Variants in LRRC4C observed in about 807,000 individuals in gnomAD.
LRRC4C encodes the protein leucine rich repeat containing 4C.
In LRRC4C, 5 loss-of-function variants were observed where a neutral mutation model predicts 33.6. The observed-to-expected ratio is 0.15, with a 90% confidence interval of 0.08 to 0.31. LRRC4C has a LOEUF of 0.31. LRRC4C is among the 10% of genes least tolerant of loss of function. The pLI is 1.00. For missense variants in LRRC4C, 560 were observed against 796.7 expected, an observed-to-expected ratio of 0.70 and a Z score of 3.58; for synonymous variants, 329 against 302.0, an observed-to-expected ratio of 1.09 and a Z score of -0.93.
chr11:41,256,566 G>T (rs550800218), intron 1 of LRRC4C, among the ~76,000 whole-genome samples: 1 of 152,054 alleles, frequency 6.6e-6, no homozygotes, highest in South Asian at 2.1e-4. Flanking sequence ...TAAAAAAATT[G>T]ATTCATAGCA....
intron 1 of LRRC4C, among the ~76,000 whole-genome samples, chr11:41,296,280 AAT>A (rs1950140060): frequency 6.6e-6 from 1 of 151,830 alleles, no homozygotes; most frequent in African/African-American, 2.4e-5. Context: ...TTTTATTAAT[AAT>A]ATATGTTATT....
Position 40,115,918 on chromosome 11 carries a change from G to T in LRRC4C, c.375C>A (p.Asn125Lys). The T allele has an allele frequency of 1.9e-6, 3 of 1,614,092 alleles. No individual in the cohort carries two copies. The highest frequency in any genetic ancestry group is 2.5e-6 in the Non-Finnish European group (3 of 1,180,014). ...IEIGAFNGLA[N>K]LNTLELFDNR... ...TGTCAAAGAGTTCCAGAGTGTTGAG[G>T]TTCGCCAGACCATTGAAAGCCCCAA... The change falls in exon 7 of 7, where the codon AAC becomes AAA. Residue 125 changes from asparagine to lysine, a missense_variant. By Grantham distance (94) the Asn-to-Lys change is moderately conservative. Coordinates refer to ENST00000528697, the MANE Select transcript of LRRC4C (RefSeq NM_001258419.2). This position sits in a 1 kb window ranked among gnomAD's most constrained non-coding sequence, Gnocchi z 6.7.
intron 2 of LRRC4C, among the ~76,000 whole-genome samples, chr11:40,918,205 A>G (rs1232667806): frequency 6.6e-6 from 1 of 152,040 alleles, no homozygotes; most frequent in Non-Finnish European, 1.5e-5. Context: ...AAAGCAAAAT[A>G]AGCTTCTGTG....
At chr11:40,176,426 C>A (rs562442442) in intron 5 of LRRC4C, among the ~76,000 whole-genome samples, 1 of 151,432 alleles carries the variant, frequency 6.6e-6, no homozygotes, top group South Asian at 2.1e-4. Context: ...TAAAAAATAA[C>A]GAAATGAATG....
intron 2 of LRRC4C, among the ~76,000 whole-genome samples, chr11:40,858,190 C>G (rs991247835): frequency 6.6e-6 from 1 of 152,052 alleles, no homozygotes; most frequent in Non-Finnish European, 1.5e-5. Flanking sequence ...TAGTAGATAC[C>G]GTATTAGTGC....
intron 1 of LRRC4C, among the ~76,000 whole-genome samples, chr11:40,989,802 C>T (rs1373889597): frequency 6.6e-6 from 1 of 152,048 alleles, no homozygotes; most frequent in African/African-American, 2.4e-5. Flanking sequence ...TTTAAAGGTA[C>T]AGTCAGCCCT....
intron 2 of LRRC4C, among the ~76,000 whole-genome samples, chr11:40,741,574 T>A (rs917606756): frequency 6.6e-6 from 1 of 152,084 alleles, no homozygotes; most frequent in Non-Finnish European, 1.5e-5. Context: ...TTTCCATTTA[T>A]GCAAAATTAA....
chr11:41,443,288 A>G (rs1161765872), intron 1 of LRRC4C, among the ~76,000 whole-genome samples: 3 of 152,038 alleles, frequency 2.0e-5, no homozygotes, highest in African/African-American at 4.8e-5. Context: ...CAAGAGGATC[A>G]CTTGAGCTCA....
intron 1 of LRRC4C, among the ~76,000 whole-genome samples, chr11:41,159,089 A>G (rs1281785980): frequency 6.6e-6 from 1 of 152,098 alleles, no homozygotes; most frequent in Non-Finnish European, 1.5e-5. Context: ...GTTCAAGACT[A>G]GCCAGGGCAA....
At chr11:41,346,027 A>G (rs1359962042) in intron 1 of LRRC4C, among the ~76,000 whole-genome samples, 1 of 152,172 alleles carries the variant, frequency 6.6e-6, no homozygotes, top group Non-Finnish European at 1.5e-5. Context: ...ACACATGGAT[A>G]GAAGGAGGAT....
intron 1 of LRRC4C, among the ~76,000 whole-genome samples, chr11:41,365,331 A>G (rs1952497231): frequency 6.6e-6 from 1 of 151,950 alleles, no homozygotes; most frequent in East Asian, 1.9e-4. Flanking sequence ...AGTTGCAGGA[A>G]AACAATCTCA....
Position 41,154,897 on chromosome 11 carries a change from G to A in LRRC4C, c.-495-221174C>T, listed in dbSNP as rs140787865. Among the ~76,000 whole-genome samples the A allele has an allele frequency of 4.2e-3, 646 of 152,254 alleles. 2 individuals are homozygous for A. The highest frequency in any genetic ancestry group is 6.8e-3 in the Middle Eastern group (2 of 294). On this transcript the variant is annotated intron_variant, in intron 1 of 6. Coordinates refer to ENST00000528697, the MANE Select transcript of LRRC4C (RefSeq NM_001258419.2). Reference sequence around the variant, plus strand: ...AATTTGAAGATAACTCACTAGAGTGGTACGATTATTTTGTGGTTGCGCTAC... The same window carrying A: ...AATTTGAAGATAACTCACTAGAGTGATACGATTATTTTGTGGTTGCGCTAC...
rs1946450541 is a variant in LRRC4C, at chr11:40,711,246, G to A, written c.-406-62968C>T. Among the ~76,000 whole-genome samples, 4 of 152,244 alleles carry A rather than the reference G, an allele frequency of 2.6e-5. No homozygotes were observed. The South Asian group carries it at 8.3e-4, about 32-fold the overall frequency. On this transcript the variant is annotated intron_variant, in intron 2 of 6. Coordinates refer to ENST00000528697, the MANE Select transcript of LRRC4C (RefSeq NM_001258419.2). ...TGAGATGAACCAGGTACCTCAGTTGGAGATGCAGAAATCACCCGTCTTCTG... is the reference window on the plus strand; with the variant it reads ...TGAGATGAACCAGGTACCTCAGTTGAAGATGCAGAAATCACCCGTCTTCTG...
chr11:41,060,064 T>A (rs960322843), intron 1 of LRRC4C, among the ~76,000 whole-genome samples: 2 of 152,080 alleles, frequency 1.3e-5, no homozygotes, highest in Admixed American at 1.3e-4. Flanking sequence ...CAAATAAGAA[T>A]GTTCATTTCA....
At chr11:41,442,711 C>T (rs1043239483) in intron 1 of LRRC4C, among the ~76,000 whole-genome samples, 7 of 151,920 alleles carry the variant, frequency 4.6e-5, no homozygotes, top group South Asian at 4.2e-4. Context: ...CCTCGTGATC[C>T]GCCCGCCTTT....
At position 40,114,311 on chromosome 11, in the gene LRRC4C, C is replaced by A; in HGVS notation, c.*59G>T. 1.3e-6 allele frequency: 2 copies of A among 1,487,658 alleles called. No homozygotes were observed. The highest frequency in any genetic ancestry group is 2.8e-5 in the African/African-American group (2 of 71,136). The allele number at this position is 1,487,658 out of a possible 1,614,324, so 92.2% of individuals were successfully genotyped here. A position where few individuals can be genotyped will look rare whatever the true frequency, so the allele number is the denominator to read the frequency against. On this transcript the variant is annotated 3_prime_UTR_variant, in exon 7 of 7. Coordinates refer to ENST00000528697, the MANE Select transcript of LRRC4C (RefSeq NM_001258419.2). ...GTAGATTTAGCCCAGTCATTTGTGT[C>A]ATTTTTAATAAACTGTCTTTTTTTT...
chr11:40,540,606 G>T (rs569783215), intron 3 of LRRC4C, among the ~76,000 whole-genome samples: 2 of 152,104 alleles, frequency 1.3e-5, no homozygotes, highest in Non-Finnish European at 2.9e-5. Flanking sequence ...TAAGGGAAGA[G>T]TATTCCTTCT....
intron 1 of LRRC4C, among the ~76,000 whole-genome samples, chr11:41,028,693 C>A (rs1200627819): frequency 6.6e-6 from 1 of 151,584 alleles, no homozygotes; most frequent in Admixed American, 6.6e-5. Flanking sequence ...CAGTGTCTTT[C>A]AACATACTAG....
intron 1 of LRRC4C, among the ~76,000 whole-genome samples, chr11:41,231,827 A>ATG (rs1472147376): frequency 2.6e-5 from 4 of 151,888 alleles, no homozygotes; most frequent in Non-Finnish European, 2.9e-5. Context: ...ATACACATAT[A>ATG]TGTATATATA....
Sources: allele counts gnomAD v4.1 joint callset (sites outside exome capture counted in the v4.1 genomes callset), GRCh38; gene constraint gnomAD v4.1.1; non-coding constraint Gnocchi (gnomAD v3.1); transcripts MANE v1.5; gene names NCBI Gene and HGNC (gene_info 2026-07-23, HGNC 2026-07-21).